The following INPP5F variants were observed in gnomAD, a reference collection of about 807,000 sequenced individuals.
The protein encoded by INPP5F is phosphatidylinositide 4-phosphatase SAC2.
A neutral mutation model predicts 137.2 loss-of-function variants in INPP5F; 97 were observed. The observed-to-expected ratio is 0.71, with a 90% CI of 0.60 to 0.84. The LOEUF is 0.84. INPP5F is among the 40% of genes least tolerant of loss of function. INPP5F has a pLI of 0.00. For synonymous variants in INPP5F, 504 were observed against 476.9 expected (o/e 1.06, Z -0.74); for missense variants, 1,271 against 1,371.9 (o/e 0.93, Z 1.16).
chr10:119,810,168 CAG>C lies in INPP5F; in HGVS notation c.1640_1641del (p.Arg547IlefsTer7). 6.2e-7 allele frequency: 1 copy of C among 1,612,988 alleles called. No individual in the cohort carries two copies. Among genetic ancestry groups the C allele is most frequent in the African/African-American group, 1.3e-5 (1 of 74,990 alleles). On this transcript the variant is annotated frameshift_variant, in exon 14 of 20. Transcript: ENST00000650623. LOFTEE classifies it high-confidence loss of function. Reference protein sequence around the residue: ...VMKDGVNSANRYYLNRFKDAY... With the variant: ...VMKDGVNSANXYYLNRFKDAY... ...TGAAAGATGGAGTGAACTCAGCAAA[CAG>C]ATATTACCTCAACCGATTTAAGGAT...
chr10:119,809,498 C>T (rs959352953), intron 13 of INPP5F, among the ~76,000 whole-genome samples: 2 of 152,148 alleles, frequency 1.3e-5, no homozygotes, highest in African/African-American at 4.8e-5. Flanking sequence ...CCTTCCTTGC[C>T]TTAAGTTTAA....
chr10:119,806,533 TC>T, intron 12 of INPP5F, 53 bp downstream of exon 12: 2 of 1,501,950 alleles, frequency 1.3e-6, no homozygotes, highest in Non-Finnish European at 1.8e-6. Flanking sequence ...GCTTTTTTTT[TC>T]CATGAGTAAG....
chr10:119,762,835 T>A (rs1213766450), intron 2 of INPP5F, among the ~76,000 whole-genome samples: 1 of 152,212 alleles, frequency 6.6e-6, no homozygotes, highest in Non-Finnish European at 1.5e-5. Flanking sequence ...TATTTTGCCC[T>A]GTCCCCCTAA....
At chr10:119,739,440 C>T (rs907702388) in intron 1 of INPP5F, among the ~76,000 whole-genome samples, 3 of 152,164 alleles carry the variant, frequency 2.0e-5, no homozygotes, top group South Asian at 4.1e-4. Flanking sequence ...TCTTATTACA[C>T]GTCAATGAAA....
intron 19 of INPP5F, among the ~76,000 whole-genome samples, chr10:119,824,742 T>C (rs1851696584): frequency 6.6e-6 from 1 of 152,226 alleles, no homozygotes; most frequent in African/African-American, 2.4e-5. Flanking sequence ...ATAATAATTA[T>C]TCCTGTCATG....
chr10:119,792,589 T>TTA (rs1554890920), intron 6 of INPP5F, among the ~76,000 whole-genome samples: 25 of 150,792 alleles, frequency 1.7e-4, no homozygotes, highest in Non-Finnish European at 3.2e-4. Flanking sequence ...TTTTTTTTTT[T>TTA]AACCTTCGCC....
At chr10:119,784,401 T>C (rs561196802) in intron 3 of INPP5F, among the ~76,000 whole-genome samples, 1 of 152,340 alleles carries the variant, frequency 6.6e-6, no homozygotes, top group South Asian at 2.1e-4. Context: ...CTAGTCTTAT[T>C]ATTTTTTTAA....
chr10:119,819,861 A>G (rs1225695890), intron 15 of INPP5F: 1 of 216,822 alleles, frequency 4.6e-6, no homozygotes, highest in African/African-American at 2.3e-5. Context: ...AGTACCTGTT[A>G]AACAATGACC....
At chr10:119,821,355 T>TGTGTGC (rs1264960650) in intron 16 of INPP5F, among the ~76,000 whole-genome samples, 1 of 151,952 alleles carries the variant, frequency 6.6e-6, no homozygotes, top group Admixed American at 6.6e-5. Context: ...TGTGTGTGTG[T>TGTGTGC]GTGTGCATGT....
chr10:119,768,482 GGTCGTGCCTGTGAATA>G (rs1849241306), intron 2 of INPP5F: 1 of 152,142 alleles, frequency 6.6e-6, no homozygotes, highest in Admixed American at 6.5e-5. Context: ...TCAGTAGTGG[GGTCGTGCCTGTGAATA>G]GCCACTGCAC....
At chr10:119,776,292 A>C (rs1424834144) in intron 2 of INPP5F, among the ~76,000 whole-genome samples, 3 of 152,192 alleles carry the variant, frequency 2.0e-5, no homozygotes, top group Non-Finnish European at 4.4e-5. Flanking sequence ...CCTTTTAAAA[A>C]GAAGCACATA....
chr10:119,823,995 C>T (rs1172279339), intron 19 of INPP5F, 93 bp downstream of exon 19: 1 of 871,814 alleles, frequency 1.1e-6, no homozygotes, highest in African/African-American at 1.7e-5. Context: ...GAGGAGATCA[C>T]ATTATGGTAA....
At position 119,797,468 on chromosome 10, in the gene INPP5F, C is replaced by G. The variant is rs1277139177; in HGVS notation, c.876C>G (p.Arg292=). Residue 292 remains arginine, a synonymous_variant, in exon 8 of 20, where the codon CGC becomes CGG. Transcript: ENST00000650623. ...GTTTTAATTTTCTTTCAGGAATGCG[C>G]TATAAACGAAGAGGAGTGGATAAAA... The part of the protein sequence containing the change: ...SRRSRHRAGM[R]YKRRGVDKNG... The G allele has an allele frequency of 6.2e-7, 1 of 1,606,236 alleles. No individual in the cohort carries two copies. The highest frequency in any genetic ancestry group is 8.5e-7 in the Non-Finnish European group (1 of 1,175,680).
At chr10:119,803,730 C>T (rs571186514) in intron 9 of INPP5F, among the ~76,000 whole-genome samples, 1 of 152,292 alleles carries the variant, frequency 6.6e-6, no homozygotes, top group African/African-American at 2.4e-5. Flanking sequence ...AATATTGAAT[C>T]TTGCTGCCTA....
intron 15 of INPP5F, chr10:119,819,597 T>A: frequency 5.0e-6 from 7 of 1,387,332 alleles, no homozygotes; most frequent in South Asian, 1.5e-5. Flanking sequence ...TTATTCTCTA[T>A]GAAGCTGTCT....
At chr10:119,809,498 CTTAAGT>C (rs1269136285) in intron 13 of INPP5F, among the ~76,000 whole-genome samples, 1 of 152,148 alleles carries the variant, frequency 6.6e-6, no homozygotes, top group Non-Finnish European at 1.5e-5. Context: ...CCTTCCTTGC[CTTAAGT>C]TTAAGTCACC....
intron 6 of INPP5F, 91 bp from the exon 7 acceptor site, chr10:119,796,624 A>G: frequency 1.0e-6 from 1 of 997,960 alleles, no homozygotes; most frequent in Non-Finnish European, 1.6e-6. Flanking sequence ...CTTCTAATAA[A>G]CTGAGAAATA....
Position 119,787,319 on chromosome 10 carries a change from T to C in INPP5F, c.316-4198T>C, listed in dbSNP as rs1368658112. Among the ~76,000 whole-genome samples the C allele has an allele frequency of 6.6e-6, 1 of 152,142 alleles. No individual in the cohort carries two copies. Among genetic ancestry groups the C allele is most frequent in the Non-Finnish European group, 1.5e-5 (1 of 68,022 alleles). On this transcript the variant is annotated intron_variant, in intron 3 of 19. Transcript: ENST00000650623. This position sits in a 1 kb window ranked among gnomAD's most constrained non-coding sequence, Gnocchi z 4.1. ...AATAGAAAAGACCAGGTGTGGTGGC[T>C]CAAGCCTGTAATCCCAACACTTTGA...
chr10:119,774,802 C>T (rs902422273), intron 2 of INPP5F, among the ~76,000 whole-genome samples: 5 of 152,078 alleles, frequency 3.3e-5, no homozygotes, highest in African/African-American at 1.2e-4. Flanking sequence ...TTCTCAAGGT[C>T]TGAAAAACTG....
Sources: gnomAD v4.1 joint callset for allele counts (sites outside exome capture counted in the v4.1 genomes callset) on GRCh38, gnomAD v4.1.1 for gene constraint, Gnocchi (gnomAD v3.1) non-coding constraint, MANE v1.5 for transcripts, NCBI Gene and HGNC (gene_info 2026-07-23, HGNC 2026-07-21) for gene names.